TANC2: variants seen among roughly 807,000 people sequenced by gnomAD.
TANC2 encodes the protein protein TANC2.
A neutral mutation model predicts 210.5 loss-of-function variants in TANC2; 26 were observed. The observed-to-expected ratio is 0.12, with a 90% CI of 0.09 to 0.17. TANC2 has a LOEUF of 0.17. TANC2 is among the 10% of genes least tolerant of loss of function. The pLI, the probability that TANC2 is intolerant of heterozygous loss-of-function variation, is 1.00. For synonymous variants in TANC2, 931 were observed against 967.1 expected (o/e 0.96, Z 0.69); for missense variants, 2,129 against 2,608.9 (o/e 0.82, Z 4.01).
At chr17:63,343,259 G>T (rs1473761967) in intron 12 of TANC2, among the ~76,000 whole-genome samples, 1 of 152,204 alleles carries the variant, frequency 6.6e-6, no homozygotes, top group African/African-American at 2.4e-5. Flanking sequence ...AAAGGATAGA[G>T]ACTGTATAAA....
At chr17:62,977,204 T>C (rs2032055220) in intron 1 of TANC2, among the ~76,000 whole-genome samples, 1 of 152,234 alleles carries the variant, frequency 6.6e-6, no homozygotes, top group Non-Finnish European at 1.5e-5. Context: ...ATCCCATTTT[T>C]CCCTAAGCTT....
chr17:63,153,016 A>T (rs931352607), intron 5 of TANC2: 1 of 152,182 alleles, frequency 6.6e-6, no homozygotes, highest in Non-Finnish European at 1.5e-5. Context: ...TCCTTTTCTT[A>T]TCTGAAACAA....
At chr17:63,090,007 T>C (rs1312151679) in intron 3 of TANC2, among the ~76,000 whole-genome samples, 2 of 152,162 alleles carry the variant, frequency 1.3e-5, no homozygotes, top group Admixed American at 6.6e-5. Flanking sequence ...TTAAAACATA[T>C]ATAGTCATGT....
At chr17:63,002,742 C>T (rs546149340) in intron 1 of TANC2, among the ~76,000 whole-genome samples, 2 of 152,220 alleles carry the variant, frequency 1.3e-5, no homozygotes, top group South Asian at 2.1e-4. Flanking sequence ...TAATGCAATG[C>T]ATATGCTTCT....
chr17:63,337,232 T>C (rs1284551623), intron 11 of TANC2, among the ~76,000 whole-genome samples: 1 of 152,184 alleles, frequency 6.6e-6, no homozygotes, highest in Admixed American at 6.5e-5. Context: ...CAAAGAAATA[T>C]CTAAAAATTA....
intron 2 of TANC2, among the ~76,000 whole-genome samples, chr17:63,013,886 T>G (rs2033989827): frequency 6.6e-6 from 1 of 151,988 alleles, no homozygotes; most frequent in South Asian, 2.1e-4. Context: ...ACCCATTATG[T>G]CTTCAGATTT....
chr17:63,409,707 T>A (rs2048630672), intron 21 of TANC2, among the ~76,000 whole-genome samples: 1 of 152,208 alleles, frequency 6.6e-6, no homozygotes, highest in Admixed American at 6.5e-5. Flanking sequence ...TACAAACCTG[T>A]ACAGCGTATT....
Position 63,090,495 on chromosome 17 carries a change from A to G in TANC2, c.140-8680A>G, listed in dbSNP as rs138180664. Among the ~76,000 whole-genome samples the G allele has an allele frequency of 3.6e-4, 54 of 152,072 alleles. 1 individual carries two copies. The East Asian group carries it at 0.01, about 29-fold the overall frequency. ...TCCTTGCAATAGTTTGCTCAGAATG[A>G]TGGTTTCCGGCTTCATCCATGTCCC... On this transcript the variant is annotated intron_variant, in intron 3 of 27. Transcript: ENST00000689528.
In TANC2 at chr17:63,421,967, T is replaced by C. The variant is rs200600000; in HGVS notation, c.*12T>C. ...AGTCTAATGTTTAAAAGACGTTTTG[T>C]TGGAGTGAGACCCATATGTTTTCAC... On this transcript the variant is annotated 3_prime_UTR_variant, in exon 28 of 28. Coordinates refer to ENST00000689528, the Ensembl canonical transcript of TANC2. The surrounding 1 kb of genome is among the most constrained non-coding windows in gnomAD (Gnocchi z 6.9). 2,587 of 1,587,880 alleles carry C rather than the reference T, an allele frequency of 1.6e-3. 4 individuals carry two copies. Among genetic ancestry groups the C allele is most frequent in the South Asian group, 4.3e-3 (369 of 86,066 alleles).
chr17:63,048,723 T>C (rs1415749461), intron 2 of TANC2, among the ~76,000 whole-genome samples: 1 of 152,108 alleles, frequency 6.6e-6, no homozygotes, highest in Non-Finnish European at 1.5e-5. Flanking sequence ...ATGTTCTCTC[T>C]TATAAATGGG....
chr17:63,027,209 G>A (rs2034587892), intron 2 of TANC2, among the ~76,000 whole-genome samples: 1 of 152,048 alleles, frequency 6.6e-6, no homozygotes, highest in Non-Finnish European at 1.5e-5. Flanking sequence ...AACTGGTTTA[G>A]TTTGGATGCT....
intron 2 of TANC2, among the ~76,000 whole-genome samples, chr17:63,050,205 C>T (rs922238488): frequency 2.0e-5 from 3 of 151,596 alleles, no homozygotes; most frequent in Admixed American, 2.0e-4. Flanking sequence ...TTAAGCATAA[C>T]CTCCAAAATA....
chr17:63,414,763 TA>T (rs973099190), intron 25 of TANC2, among the ~76,000 whole-genome samples: 25 of 152,262 alleles, frequency 1.6e-4, no homozygotes, highest in African/African-American at 5.8e-4. Flanking sequence ...AAAGATCAGC[TA>T]AAGGGGTGGG....
At chr17:63,400,457 T>G (rs898814403) in intron 19 of TANC2, among the ~76,000 whole-genome samples, 1 of 152,112 alleles carries the variant, frequency 6.6e-6, no homozygotes, top group Non-Finnish European at 1.5e-5. Flanking sequence ...TACAATAAAT[T>G]TTTACAGTGA....
chr17:63,125,808 T>C (rs926370358), intron 4 of TANC2, among the ~76,000 whole-genome samples: 48 of 152,238 alleles, frequency 3.2e-4, no homozygotes, highest in Non-Finnish European at 2.8e-4. Flanking sequence ...GGTAAAATTA[T>C]ACATTCAGTA....
At chr17:63,404,283 A>G (rs2048431968) in intron 19 of TANC2, among the ~76,000 whole-genome samples, 1 of 152,218 alleles carries the variant, frequency 6.6e-6, no homozygotes, top group Admixed American at 6.5e-5. Context: ...TAGACTTCAT[A>G]TCTCCAAACT....
At chr17:63,360,845 G>A (rs2046936754) in intron 14 of TANC2, among the ~76,000 whole-genome samples, 1 of 151,972 alleles carries the variant, frequency 6.6e-6, no homozygotes, top group South Asian at 2.1e-4. Context: ...ATCTCCATGA[G>A]TTCAATTATT....
At chr17:63,334,924 AG>A in intron 11 of TANC2, among the ~76,000 whole-genome samples, 1 of 152,308 alleles carries the variant, frequency 6.6e-6, no homozygotes, top group East Asian at 1.9e-4. Context: ...AGATGCTAGC[AG>A]GCACATCACA....
intron 3 of TANC2, among the ~76,000 whole-genome samples, chr17:63,080,891 A>G (rs1473198061): frequency 1.3e-5 from 2 of 152,164 alleles, no homozygotes; most frequent in African/African-American, 4.8e-5. Context: ...CATAATCCTC[A>G]TTTAATTATC....
Sources: gnomAD v4.1 joint callset for allele counts (sites outside exome capture counted in the v4.1 genomes callset) on GRCh38, gnomAD v4.1.1 for gene constraint, Gnocchi (gnomAD v3.1) non-coding constraint, MANE v1.5 for transcripts, NCBI Gene and HGNC (gene_info 2026-07-23, HGNC 2026-07-21) for gene names.